Variants in OR11A1 observed in about 807,000 individuals in gnomAD.
The protein encoded by OR11A1 is olfactory receptor 11A1.
For synonymous variants in OR11A1, 158 were observed against 152.2 expected, an observed-to-expected ratio of 1.04 and a Z score of -0.28; for missense variants, 380 against 378.2, an observed-to-expected ratio of 1.00 and a Z score of -0.04.
chr6:29,433,455 T>C (rs1783384053), intron 1 of OR11A1, among the ~76,000 whole-genome samples: 1 of 152,156 alleles, frequency 6.6e-6, no homozygotes, highest in South Asian at 2.1e-4. Context: ...GCCTGACTTA[T>C]TTCAGTTAAT....
intron 1 of OR11A1, chr6:29,439,972 C>A (rs1284670657): frequency 6.6e-7 from 1 of 1,509,656 alleles, no homozygotes; most frequent in African/African-American, 1.4e-5. Context: ...TGTGATTTTT[C>A]CTTGCCATTT....
At position 29,425,818 on chromosome 6, in the gene OR11A1, A is replaced by T. The variant is rs1782756464; in HGVS notation, c.*876T>A. ...AAAAGGAATTCAGCTTTAGATTTTTAAAAACACATATCCTTAGATCTTGCA... is the reference window on the plus strand; with the variant it reads ...AAAAGGAATTCAGCTTTAGATTTTTTAAAACACATATCCTTAGATCTTGCA... On this transcript the variant is annotated 3_prime_UTR_variant, in exon 5 of 5. Coordinates refer to ENST00000377149, the MANE Select transcript of OR11A1 (RefSeq NM_001394828.1). 1 of 152,230 alleles carries T rather than the reference A, an allele frequency of 6.6e-6. No individual in the cohort carries two copies. The highest frequency in any genetic ancestry group is 2.4e-5 in the African/African-American group (1 of 41,462). The allele number at this position is 152,230 out of a possible 1,614,324, so 9.4% of individuals were successfully genotyped here. A position where few individuals can be genotyped will look rare whatever the true frequency, so the allele number is the denominator to read the frequency against.
intron 1 of OR11A1, among the ~76,000 whole-genome samples, chr6:29,444,385 C>T (rs16894916): frequency 0.098 from 14,880 of 152,186 alleles, 1,354 homozygotes; most frequent in African/African-American, 0.24. Flanking sequence ...CAGACTAATA[C>T]ACCTTGGTAA....
intron 1 of OR11A1, among the ~76,000 whole-genome samples, chr6:29,437,130 C>T (rs1244066234): frequency 6.6e-6 from 1 of 152,166 alleles, no homozygotes. Flanking sequence ...GTCAGTGTGG[C>T]GATTCCTCAG....
chr6:29,449,114 T>C (rs1358086409), intron 1 of OR11A1, among the ~76,000 whole-genome samples: 1 of 152,210 alleles, frequency 6.6e-6, no homozygotes, highest in African/African-American at 2.4e-5. Context: ...AGTCACACTA[T>C]TCTGTATGTA....
rs9368601 is a variant in OR11A1 at position 29,444,646 on chromosome 6, C to T, written c.-389+12341G>A. On this transcript the variant is annotated intron_variant, in intron 1 of 4. Coordinates refer to ENST00000377149, the MANE Select transcript of OR11A1 (RefSeq NM_001394828.1). ...GATTGCAGCAAATGCTCTTTCTCCA[C>T]CATAGATAGCTACCAAGGGACCTTG... Among the ~76,000 whole-genome samples the T allele has an allele frequency of 3.7e-3, 552 of 151,090 alleles. 25 individuals carry two copies. The East Asian group carries it at 0.083, about 23-fold the overall frequency.
Position 29,427,168 on chromosome 6 carries a change from T to C in OR11A1, c.474A>G (p.Gly158=), listed in dbSNP as rs572444298. ...TTWLSGFVVD[G]LVVALVAQLR... ...GCTGGGCCACCAGGGCCACAACCAG[T>C]CCATCTACCACAAATCCAGAGAGCC... Residue 158 remains glycine, a synonymous_variant, in exon 5 of 5, where the codon GGA becomes GGG. Coordinates refer to ENST00000377149, the MANE Select transcript of OR11A1 (RefSeq NM_001394828.1). 8.1e-6 allele frequency: 13 copies of C among 1,612,994 alleles called. No individual in the cohort carries two copies. In the African/African-American group the frequency reaches 1.3e-4, roughly 17 times the overall value.
Position 29,453,468 on chromosome 6 carries a change from T to A in OR11A1, c.-389+3519A>T, listed in dbSNP as rs1785675283. ...TCCAGTACTACTCCAACTTAGTTGA[T>A]GGTAGTTTTGCCAGTCAGGAATGGC... On this transcript the variant is annotated intron_variant, in intron 1 of 4. Transcript: ENST00000377149. This position sits in a 1 kb window ranked among gnomAD's most constrained non-coding sequence, Gnocchi z 4.5. Among the ~76,000 whole-genome samples the A allele has an allele frequency of 6.6e-6, 1 of 152,170 alleles. No homozygotes were observed. The highest frequency in any genetic ancestry group is 1.5e-5 in the Non-Finnish European group (1 of 68,010).
At chr6:29,430,277 C>T (rs1783145396) in intron 3 of OR11A1, 24 bp downstream of exon 3, 3 of 985,384 alleles carry the variant, frequency 3.0e-6, no homozygotes, top group African/African-American at 3.5e-5. Context: ...CCTCCAACTC[C>T]CGTCTCTAAA....
chr6:29,439,998 C>G (rs947310335), intron 1 of OR11A1: 1 of 1,596,468 alleles, frequency 6.3e-7, no homozygotes, highest in Non-Finnish European at 8.6e-7. Context: ...GTCTTCCAGT[C>G]AAAGGTATGC....
intron 1 of OR11A1, among the ~76,000 whole-genome samples, chr6:29,443,472 G>T (rs115116585): frequency 0.025 from 3,859 of 152,218 alleles, 112 homozygotes; most frequent in African/African-American, 0.074. Flanking sequence ...ATACTCCATT[G>T]TATAGATATG....
intron 1 of OR11A1, among the ~76,000 whole-genome samples, chr6:29,444,829 A>G (rs886362587): frequency 2.0e-5 from 3 of 152,020 alleles, no homozygotes; most frequent in Non-Finnish European, 4.4e-5. Context: ...CACACCTGCC[A>G]TTGCCCCTGA....
chr6:29,440,640 C>CCCTTTG, intron 1 of OR11A1: 5 of 1,614,126 alleles, frequency 3.1e-6, no homozygotes, highest in Non-Finnish European at 4.2e-6. Flanking sequence ...CATCCTCTGC[C>CCCTTTG]CCTTTGGCCT....
At chr6:29,442,001 T>G (rs1313438948) in intron 1 of OR11A1, among the ~76,000 whole-genome samples, 1 of 152,190 alleles carries the variant, frequency 6.6e-6, no homozygotes, top group Non-Finnish European at 1.5e-5. Flanking sequence ...AGAGTCTAAT[T>G]CATTGGGTTT....
intron 1 of OR11A1, among the ~76,000 whole-genome samples, chr6:29,455,646 C>A (rs183445523): frequency 6.6e-6 from 1 of 152,000 alleles, no homozygotes; most frequent in Admixed American, 6.5e-5. Flanking sequence ...GAGGCCGAGG[C>A]GGGTGGATTG....
At chr6:29,431,318 A>G (rs115238650) in intron 2 of OR11A1, among the ~76,000 whole-genome samples, 2,961 of 152,284 alleles carry the variant, frequency 0.019, 84 homozygotes, top group South Asian at 0.061. Flanking sequence ...AAAACCAAAA[A>G]GTTAATTCAG....
At position 29,426,620 on chromosome 6, in the gene OR11A1, C is replaced by G; in HGVS notation, c.*74G>C. Reference sequence around the variant, plus strand: ...AATGGTCGAATAAGACAAAGTTACTCCTCTCCAACCCATCCTGGAAGAGTC... The same window carrying G: ...AATGGTCGAATAAGACAAAGTTACTGCTCTCCAACCCATCCTGGAAGAGTC... On this transcript the variant is annotated 3_prime_UTR_variant, in exon 5 of 5. Transcript: ENST00000377149. The G allele has an allele frequency of 1.7e-6, 2 of 1,157,120 alleles. No individual in the cohort carries two copies. The highest frequency in any genetic ancestry group is 2.4e-6 in the Non-Finnish European group (2 of 820,594). 71.7% of individuals were successfully genotyped at this position (1,157,120 alleles called of 1,614,324 possible). A position where few individuals can be genotyped will look rare whatever the true frequency, so the allele number is the denominator to read the frequency against.
intron 1 of OR11A1, chr6:29,440,564 C>T (rs758899242): frequency 6.2e-7 from 1 of 1,613,734 alleles, no homozygotes; most frequent in South Asian, 1.1e-5. Context: ...TCCAGCCTGT[C>T]CTGCAGCTGG....
chr6:29,450,683 C>CA (rs1162179409), intron 1 of OR11A1: 1 of 151,956 alleles, frequency 6.6e-6, no homozygotes, highest in African/African-American at 2.4e-5. Context: ...GCAAGCATTA[C>CA]AAAACACTGC....
Sources: gnomAD v4.1 joint callset for allele counts (sites outside exome capture counted in the v4.1 genomes callset) on GRCh38, gnomAD v4.1.1 for gene constraint, Gnocchi (gnomAD v3.1) non-coding constraint, MANE v1.5 for transcripts, NCBI Gene and HGNC (gene_info 2026-07-23, HGNC 2026-07-21) for gene names.